BICRAL: variants seen among roughly 807,000 people sequenced by gnomAD.
BICRAL encodes the protein BRD4-interacting chromatin-remodeling complex-associated protein-like.
BICRAL carries 8 observed loss-of-function variants against 91.8 expected under a neutral mutation model. The ratio of observed to expected loss-of-function variants is 0.09; its 90% CI spans 0.05 to 0.16. BICRAL has a LOEUF of 0.16. BICRAL is among the 10% of genes least tolerant of loss of function. The probability of loss-of-function intolerance (pLI) is 1.00; values close to 1 mark genes in which losing one functional copy is unlikely to be tolerated. For synonymous variants in BICRAL, 445 were observed against 491.1 expected (o/e 0.91, Z 1.24); for missense variants, 1,038 against 1,310.9 (o/e 0.79, Z 3.21).
chr6:42,840,704 G>A (rs191245203), intron 6 of BICRAL, among the ~76,000 whole-genome samples: 1 of 151,936 alleles, frequency 6.6e-6, no homozygotes, highest in Admixed American at 6.6e-5. Context: ...GCCTGGCTAA[G>A]TTTTGTATTT....
At position 42,865,103 on chromosome 6, in the gene BICRAL, T is replaced by G; in HGVS notation, c.2897T>G (p.Met966Arg). The change falls in exon 13 of 13, where the codon ATG becomes AGG. Residue 966 changes from methionine to arginine, a missense_variant. Met to Arg is a moderately conservative substitution (Grantham distance 91). This residue lies in a region of BICRAL where 92 missense variants were observed against 147.8 expected (regional missense o/e 0.62). Transcript: ENST00000314073. Reference protein sequence around the residue: ...SSILADSHLEMTCNNSFQDKS... With the variant: ...SSILADSHLERTCNNSFQDKS... The stretch of plus-strand genomic sequence containing the variant: ...ATCCTAGCAGATTCGCACTTGGAGA[T>G]GACGTGTAACAATTCCTTCCAGGAC... 6.2e-7 allele frequency: 1 copy of G among 1,614,126 alleles called. No homozygotes were observed. The highest frequency in any genetic ancestry group is 8.5e-7 in the Non-Finnish European group (1 of 1,179,998).
chr6:42,824,408 G>A (rs959248017), intron 5 of BICRAL, among the ~76,000 whole-genome samples: 8 of 152,016 alleles, frequency 5.3e-5, no homozygotes, highest in African/African-American at 1.2e-4. Context: ...GCAGTGGCAC[G>A]ATCTCGTCTC....
chr6:42,865,138 A>G lies in BICRAL; in HGVS notation c.2932A>G (p.Arg978Gly), dbSNP rs765160508. Residue 978 changes from arginine (R) to glycine (G), a missense_variant, in exon 13 of 13, where the codon AGG (arginine) becomes GGG (glycine). Physicochemically the swap from Arg to Gly is moderately radical, Grantham distance 125. Transcript: ENST00000314073. ...CNNSFQDKSL[R>G]NSPKNEVLHT... ...CAATTCCTTCCAGGACAAAAGTCTG[A>G]GGAATTCTCCAAAGAATGAAGTTTT... 64 of 1,614,162 alleles carry G rather than the reference A, an allele frequency of 4.0e-5. No homozygotes were observed. The highest frequency in any genetic ancestry group is 5.4e-5 in the Non-Finnish European group (64 of 1,180,000).
chr6:42,841,258 G>A (rs1463000758), intron 6 of BICRAL, among the ~76,000 whole-genome samples: 2 of 134,208 alleles, frequency 1.5e-5, no homozygotes, highest in African/African-American at 2.8e-5. Context: ...GCACGATCTT[G>A]GCTCACTGCA....
At chr6:42,791,243 T>G (rs1033975880) in intron 1 of BICRAL, among the ~76,000 whole-genome samples, 1 of 152,196 alleles carries the variant, frequency 6.6e-6, no homozygotes, top group Non-Finnish European at 1.5e-5. Flanking sequence ...AGGTTCTCCT[T>G]AATCCCAATC....
chr6:42,820,583 C>T (rs969740197), intron 2 of BICRAL, among the ~76,000 whole-genome samples: 2 of 152,166 alleles, frequency 1.3e-5, no homozygotes, highest in Non-Finnish European at 2.9e-5. Context: ...CTTCACTCCT[C>T]CACAGTCATG....
chr6:42,799,387 C>A (rs540090587), intron 1 of BICRAL, among the ~76,000 whole-genome samples: 1 of 151,804 alleles, frequency 6.6e-6, no homozygotes, highest in African/African-American at 2.4e-5. Flanking sequence ...TAGCCTCAGC[C>A]TCCTGGGTTC....
At chr6:42,823,841 A>G (rs1177348915) in intron 5 of BICRAL, among the ~76,000 whole-genome samples, 2 of 151,814 alleles carry the variant, frequency 1.3e-5, no homozygotes, top group Non-Finnish European at 2.9e-5. Flanking sequence ...AGAGAATTGC[A>G]TAAACCCAGG....
chr6:42,835,107 C>T (rs554932167), intron 6 of BICRAL, among the ~76,000 whole-genome samples: 15 of 151,454 alleles, frequency 9.9e-5, no homozygotes, highest in African/African-American at 3.6e-4. Flanking sequence ...ATATTTGTAA[C>T]TCCCTTTCCT....
upstream of BICRAL, among the ~76,000 whole-genome samples, chr6:42,746,721 TC>T: frequency 6.9e-6 from 1 of 144,514 alleles, no homozygotes; most frequent in Admixed American, 6.8e-5. Context: ...ACCGCCCCCC[TC>T]CCCCCTATCC....
intron 8 of BICRAL, 30 bp from the exon 9 acceptor site, chr6:42,855,824 AGG>A: frequency 6.4e-7 from 1 of 1,564,272 alleles, no homozygotes; most frequent in Non-Finnish European, 8.8e-7. Context: ...TTTCTATAAA[AGG>A]GAATAATAAG....
rs376423190 is a variant in BICRAL at position 42,770,475 on chromosome 6, C to T, written c.-260-11364C>T. Among the ~76,000 whole-genome samples the T allele has an allele frequency of 6.1e-5, 9 of 148,522 alleles. 1 individual carries two copies. Among genetic ancestry groups the T allele is most frequent in the Middle Eastern group, 6.4e-3 (2 of 314 alleles). ...TATTGCCCAGACTGGAGTGCAGTGG[C>T]GCAATCTCAGCTCACTGCAACCTCC... On this transcript the variant is annotated intron_variant, in intron 1 of 14. Transcript: ENST00000614467.
chr6:42,795,194 G>A (rs1184276510), intron 1 of BICRAL, among the ~76,000 whole-genome samples: 2 of 152,276 alleles, frequency 1.3e-5, no homozygotes, highest in East Asian at 3.9e-4. Flanking sequence ...CACTTTGGGA[G>A]GCCAAGACTG....
At position 42,762,614 on chromosome 6, in the gene BICRAL, T is replaced by C. The variant is rs375584146; in HGVS notation, c.-261+15591T>C. Among the ~76,000 whole-genome samples, 3 of 152,194 alleles carry C rather than the reference T, an allele frequency of 2.0e-5. No homozygotes were observed. In the East Asian group the frequency reaches 5.8e-4, roughly 29 times the overall value. Reference sequence around the variant, plus strand: ...TGTGTCTCCTATTTTTTACACCCCATAATCCCAGTTTATGGCATCATGCCT... The same window carrying C: ...TGTGTCTCCTATTTTTTACACCCCACAATCCCAGTTTATGGCATCATGCCT... On this transcript the variant is annotated intron_variant, in intron 1 of 14. Coordinates refer to the BICRAL transcript ENST00000614467.
chr6:42,782,429 G>T (rs1762941321), intron 1 of BICRAL, among the ~76,000 whole-genome samples: 1 of 143,214 alleles, frequency 7.0e-6, no homozygotes, highest in Admixed American at 6.9e-5. Context: ...GAGTGTTTAT[G>T]CCTTTCCCAG....
intron 2 of BICRAL, among the ~76,000 whole-genome samples, chr6:42,820,312 C>G (rs530480121): frequency 5.3e-5 from 8 of 152,192 alleles, no homozygotes; most frequent in African/African-American, 1.9e-4. Flanking sequence ...AAAATGAATT[C>G]ACAAAGGATA....
chr6:42,831,554 G>A (rs983367833), intron 6 of BICRAL, among the ~76,000 whole-genome samples: 7 of 151,930 alleles, frequency 4.6e-5, no homozygotes, highest in Non-Finnish European at 7.4e-5. Flanking sequence ...ATCCTTCGAC[G>A]GCTCCATCAT....
intron 1 of BICRAL, among the ~76,000 whole-genome samples, chr6:42,807,774 C>G (rs557833925): frequency 6.7e-6 from 1 of 150,196 alleles, no homozygotes; most frequent in Admixed American, 6.7e-5. Context: ...CCACTGCACT[C>G]TAGCCTGGCA....
chr6:42,789,989 A>G (rs913477285), intron 1 of BICRAL, among the ~76,000 whole-genome samples: 3 of 151,900 alleles, frequency 2.0e-5, no homozygotes, highest in Admixed American at 6.6e-5. Flanking sequence ...GGAAAACAGT[A>G]TTCTGTTAGA....
Sources: gnomAD v4.1 joint callset for allele counts (sites outside exome capture counted in the v4.1 genomes callset) on GRCh38, gnomAD v4.1.1 for gene constraint, gnomAD v4.1.1 regional missense constraint, MANE v1.5 for transcripts, NCBI Gene and HGNC (gene_info 2026-07-23, HGNC 2026-07-21) for gene names.